Variants in DLG2 observed in about 807,000 individuals in gnomAD.
DLG2 encodes disks large homolog 2.
In DLG2, 45 loss-of-function variants were observed where a neutral mutation model predicts 132.5. That is an observed-to-expected ratio of 0.34 (90% CI 0.27 to 0.44). DLG2 has a LOEUF of 0.44. Among genes scored for constraint, DLG2 ranks in the 20% least tolerant of loss-of-function variants. The pLI, the probability that DLG2 is intolerant of heterozygous loss-of-function variation, is 1.00. For synonymous variants in DLG2, 424 were observed against 419.6 expected, an observed-to-expected ratio of 1.01 and a Z score of -0.13; for missense variants, 1,045 against 1,196.9, an observed-to-expected ratio of 0.87 and a Z score of 1.87.
chr11:84,763,170 CA>C (rs1221950404), intron 6 of DLG2: 1 of 152,166 alleles, frequency 6.6e-6, no homozygotes, highest in African/African-American at 2.4e-5. Context: ...CCAACTCTAA[CA>C]TAGGAGCTCG....
chr11:83,561,170 C>T (rs1419540030), intron 19 of DLG2, among the ~76,000 whole-genome samples: 1 of 152,180 alleles, frequency 6.6e-6, no homozygotes, highest in Non-Finnish European at 1.5e-5. Context: ...AAGAAATCGC[C>T]CCCATGATCC....
chr11:83,937,282 C>A (rs568509324), intron 14 of DLG2, among the ~76,000 whole-genome samples: 1 of 151,752 alleles, frequency 6.6e-6, no homozygotes, highest in Admixed American at 6.6e-5. Context: ...CCGAGGTGGG[C>A]GGATCACGAG....
chr11:84,291,047 G>T (rs2097987923), intron 7 of DLG2, among the ~76,000 whole-genome samples: 1 of 152,110 alleles, frequency 6.6e-6, no homozygotes. Flanking sequence ...TTCAATACAT[G>T]TTAGCTACTA....
At chr11:85,590,552 T>C (rs2079246639) in intron 3 of DLG2, among the ~76,000 whole-genome samples, 1 of 151,984 alleles carries the variant, frequency 6.6e-6, no homozygotes, top group African/African-American at 2.4e-5. Flanking sequence ...TATTGAAAAA[T>C]TTTTTTAGAT....
intron 6 of DLG2, among the ~76,000 whole-genome samples, chr11:85,032,987 A>C (rs1360954239): frequency 2.6e-5 from 4 of 152,212 alleles, no homozygotes; most frequent in Admixed American, 6.5e-5. Flanking sequence ...AAAACGTCCT[A>C]AACTTTATAC....
At chr11:85,238,432 T>C (rs956440788) in intron 4 of DLG2, among the ~76,000 whole-genome samples, 7 of 151,498 alleles carry the variant, frequency 4.6e-5, no homozygotes, top group Non-Finnish European at 8.8e-5. Flanking sequence ...TTAGTAGAGA[T>C]AGGGTTTCAC....
intron 4 of DLG2, among the ~76,000 whole-genome samples, chr11:85,267,908 A>G (rs1033138259): frequency 2.4e-5 from 3 of 124,766 alleles, no homozygotes; most frequent in Non-Finnish European, 3.6e-5. Flanking sequence ...GTGTGTGTGT[A>G]CGTATGTGTG....
intron 14 of DLG2, among the ~76,000 whole-genome samples, chr11:83,955,818 C>T (rs2086685630): frequency 6.6e-6 from 1 of 152,168 alleles, no homozygotes; most frequent in South Asian, 2.1e-4. Flanking sequence ...GTGCTGGGTG[C>T]TTTCTGCCCT....
At chr11:83,604,097 AAAGTGCTG>A (rs1323362618) in intron 19 of DLG2, among the ~76,000 whole-genome samples, 1 of 152,234 alleles carries the variant, frequency 6.6e-6, no homozygotes, top group African/African-American at 2.4e-5. Context: ...AAGCTTGCAG[AAAGTGCTG>A]AAAAGCTAAT....
At chr11:85,293,489 CAT>C (rs569799440) in intron 3 of DLG2, among the ~76,000 whole-genome samples, 12 of 152,152 alleles carry the variant, frequency 7.9e-5, no homozygotes, top group Non-Finnish European at 1.6e-4. Context: ...CCAAGAAGAA[CAT>C]AGCATAATTT....
At chr11:83,982,480 T>TAAA (rs58418988) in intron 11 of DLG2, among the ~76,000 whole-genome samples, 5 of 68,616 alleles carry the variant, frequency 7.3e-5, no homozygotes, top group African/African-American at 1.5e-4. Context: ...GTTTAACGTG[T>TAAA]AAAAAAAAAA....
chr11:84,961,797 A>C (rs895364438), intron 6 of DLG2, among the ~76,000 whole-genome samples: 9 of 152,208 alleles, frequency 5.9e-5, no homozygotes, highest in African/African-American at 1.9e-4. Context: ...ATGCATAAGT[A>C]TAATGACAGA....
At chr11:85,289,178 A>C (rs1244297297) in intron 3 of DLG2, among the ~76,000 whole-genome samples, 3 of 152,108 alleles carry the variant, frequency 2.0e-5, no homozygotes, top group African/African-American at 7.2e-5. Context: ...TAATTCAATG[A>C]TCAATGTCAA....
At chr11:84,441,388 A>G (rs1006415787) in intron 7 of DLG2, among the ~76,000 whole-genome samples, 1 of 152,128 alleles carries the variant, frequency 6.6e-6, no homozygotes, top group Non-Finnish European at 1.5e-5. Flanking sequence ...CCTGGCCTCA[A>G]GTGATCCTCG....
chr11:84,423,111 T>C (rs990544443), intron 7 of DLG2, among the ~76,000 whole-genome samples: 8 of 152,148 alleles, frequency 5.3e-5, no homozygotes, highest in African/African-American at 1.9e-4. Context: ...CATTTTTTCA[T>C]TAATGTTAAT....
At chr11:85,464,029 C>G (rs1348360253) in intron 3 of DLG2, among the ~76,000 whole-genome samples, 1 of 151,114 alleles carries the variant, frequency 6.6e-6, no homozygotes, top group Non-Finnish European at 1.5e-5. Context: ...CACACGCCCC[C>G]CGAGAGAGAG....
chr11:84,647,898 T>C (rs936449217), intron 6 of DLG2, among the ~76,000 whole-genome samples: 2 of 152,320 alleles, frequency 1.3e-5, no homozygotes, highest in African/African-American at 2.4e-5. Flanking sequence ...TAATATTAAT[T>C]ACATCTACCA....
At chr11:84,745,650 C>A (rs1378067532) in intron 6 of DLG2, among the ~76,000 whole-genome samples, 1 of 152,082 alleles carries the variant, frequency 6.6e-6, no homozygotes, top group African/African-American at 2.4e-5. Context: ...GATAGCTCCT[C>A]TATAAGCAAT....
chr11:83,605,886 G>C (rs2059265370), intron 19 of DLG2, among the ~76,000 whole-genome samples: 1 of 152,182 alleles, frequency 6.6e-6, no homozygotes, highest in African/African-American at 2.4e-5. Flanking sequence ...ATGAAAGGTA[G>C]CAATAAAAAC....
Sources: allele counts gnomAD v4.1 joint callset (sites outside exome capture counted in the v4.1 genomes callset), GRCh38; gene constraint gnomAD v4.1.1; transcripts MANE v1.5; gene names NCBI Gene and HGNC (gene_info 2026-07-23, HGNC 2026-07-21).